DCP1A: variants seen among roughly 807,000 people sequenced by gnomAD.
DCP1A encodes mRNA-decapping enzyme 1A.
A neutral mutation model predicts 58.0 loss-of-function variants in DCP1A; 20 were observed. That is an observed-to-expected ratio of 0.34 (90% CI 0.24 to 0.50). The LOEUF (loss-of-function observed/expected upper bound fraction) is 0.50. Among genes scored for constraint, DCP1A ranks in the 20% least tolerant of loss-of-function variants. DCP1A has a pLI of 0.98. For synonymous variants in DCP1A, 285 were observed against 275.1 expected (o/e 1.04, Z -0.36); for missense variants, 613 against 712.2 (o/e 0.86, Z 1.59).
intron 6 of DCP1A, among the ~76,000 whole-genome samples, chr3:53,300,516 T>C (rs1426566034): frequency 6.6e-6 from 1 of 152,078 alleles, no homozygotes; most frequent in African/African-American, 2.4e-5. Flanking sequence ...TTCTTTTCTA[T>C]TTAGTAGAGA....
intron 3 of DCP1A, among the ~76,000 whole-genome samples, chr3:53,322,229 G>A (rs1176282981): frequency 6.6e-6 from 1 of 152,084 alleles, no homozygotes; most frequent in Non-Finnish European, 1.5e-5. Context: ...AAGGCGGGTG[G>A]ATCACCTGAG....
In DCP1A at chr3:53,304,102, T is replaced by G. The variant is rs1035035452; in HGVS notation, c.624+75A>C. 1.3e-5 allele frequency: 14 copies of G among 1,085,946 alleles called. No homozygotes were observed. The African/African-American group carries it at 2.2e-4, about 17-fold the overall frequency. 67.3% of individuals were successfully genotyped at this position (1,085,946 alleles called of 1,614,324 possible). On this transcript the variant is annotated intron_variant, in intron 6 of 9. Coordinates refer to ENST00000610213, the MANE Select transcript of DCP1A (RefSeq NM_018403.7). ...CCTTGACACAACTGACAAATCAAAC[T>G]TGCACTCATTAGAATCCTTACTGAA...
chr3:53,306,984 T>G (rs2106825892), intron 5 of DCP1A, among the ~76,000 whole-genome samples: 1 of 143,056 alleles, frequency 7.0e-6, no homozygotes, highest in South Asian at 2.3e-4. Flanking sequence ...TCACCCAGGC[T>G]GGAGTGCAGT....
In DCP1A at chr3:53,285,185, C is replaced by G. The variant is rs1108506; in HGVS notation, c.*2395G>C. On this transcript the variant is annotated 3_prime_UTR_variant, in exon 10 of 10. Coordinates refer to ENST00000610213, the MANE Select transcript of DCP1A (RefSeq NM_018403.7). ...CAGGTCTCCTGGGGTTCTGCGAAAT[C>G]TAGCCAGAAGCATCTCCATCTCGGT... 0.16 allele frequency: 24,864 copies of G among 152,040 alleles called. 2,541 individuals carry two copies. The highest frequency in any genetic ancestry group is 0.28 in the Middle Eastern group (82 of 294). 9.4% of individuals were successfully genotyped at this position (152,040 alleles called of 1,614,324 possible).
intron 3 of DCP1A, among the ~76,000 whole-genome samples, chr3:53,320,045 T>A (rs1553689731): frequency 6.6e-6 from 1 of 151,812 alleles, no homozygotes; most frequent in Non-Finnish European, 1.5e-5. Flanking sequence ...GGAGAATCGC[T>A]TGGGCCCGGG....
chr3:53,316,738 CCCAGGCTCAAA>C (rs1431945863), intron 4 of DCP1A, among the ~76,000 whole-genome samples: 1 of 152,036 alleles, frequency 6.6e-6, no homozygotes, highest in Non-Finnish European at 1.5e-5. Context: ...AGCCACTGTG[CCCAGGCTCAAA>C]TCACTTTTAA....
chr3:53,301,039 A>G (rs909542141), intron 6 of DCP1A, among the ~76,000 whole-genome samples: 39 of 152,182 alleles, frequency 2.6e-4, no homozygotes, highest in Non-Finnish European at 2.9e-5. Context: ...CCTTAACTTC[A>G]TGATTCACAA....
chr3:53,327,267 C>T (rs1027970030), intron 3 of DCP1A, among the ~76,000 whole-genome samples: 2 of 152,158 alleles, frequency 1.3e-5, no homozygotes, highest in Non-Finnish European at 2.9e-5. Flanking sequence ...GTTGTAAGCA[C>T]AAATACCTCA....
chr3:53,290,947 G>T, intron 7 of DCP1A, 91 bp from the exon 8 acceptor site: 3 of 1,129,610 alleles, frequency 2.7e-6, no homozygotes, highest in Non-Finnish European at 3.9e-6. Context: ...TTTCCCAGTG[G>T]AAAATCTAGG....
Position 53,292,492 on chromosome 3 carries a change from G to A in DCP1A, c.960C>T (p.Pro320=). Residue 320 remains proline, a synonymous_variant, in exon 7 of 10, where the codon CCC becomes CCT. Transcript: ENST00000610213. Reference sequence around the variant, plus strand: ...CAGTAGGAGCTTCAGCTGGCAGAGTGGGACTGAGAACAGGGCTCAACGGGA... The same window carrying A: ...CAGTAGGAGCTTCAGCTGGCAGAGTAGGACTGAGAACAGGGCTCAACGGGA... ...YTIPLSPVLS[P]TLPAEAPTAQ... The A allele has an allele frequency of 1.9e-6, 3 of 1,614,030 alleles. No homozygotes were observed. Among genetic ancestry groups the A allele is most frequent in the South Asian group, 2.2e-5 (2 of 91,086 alleles).
intron 3 of DCP1A, among the ~76,000 whole-genome samples, chr3:53,330,857 A>ATTTTT (rs35396974): frequency 2.1e-5 from 2 of 93,568 alleles, no homozygotes; most frequent in Non-Finnish European, 2.2e-5. Flanking sequence ...AGTATATGTA[A>ATTTTT]TTTTTTTTTT....
At chr3:53,324,914 CA>C in intron 3 of DCP1A, among the ~76,000 whole-genome samples, 1 of 151,558 alleles carries the variant, frequency 6.6e-6, no homozygotes, top group Non-Finnish European at 1.5e-5. Flanking sequence ...TGTGATAGGA[CA>C]TTTCATTGCC....
intron 4 of DCP1A, among the ~76,000 whole-genome samples, chr3:53,317,137 C>CAA (rs1205173282): frequency 6.6e-6 from 1 of 152,146 alleles, no homozygotes; most frequent in Non-Finnish European, 1.5e-5. Flanking sequence ...CATGAATCAA[C>CAA]AACCCTGTGC....
At chr3:53,319,094 G>GA (rs2106849756) in intron 4 of DCP1A, among the ~76,000 whole-genome samples, 1 of 152,192 alleles carries the variant, frequency 6.6e-6, no homozygotes, top group Non-Finnish European at 1.5e-5. Context: ...TAATGCCCTG[G>GA]AAAAATGCTG....
chr3:53,310,303 T>C (rs1200262898), intron 5 of DCP1A, among the ~76,000 whole-genome samples: 15 of 152,384 alleles, frequency 9.8e-5, no homozygotes, highest in East Asian at 5.8e-4. Context: ...GTCAGATGTT[T>C]AGATTGCCCA....
intron 5 of DCP1A, among the ~76,000 whole-genome samples, chr3:53,307,403 C>T (rs1200500409): frequency 1.3e-5 from 2 of 152,162 alleles, no homozygotes; most frequent in African/African-American, 2.4e-5. Context: ...TAACTGAGAG[C>T]TGGGCTGTAA....
intron 3 of DCP1A, among the ~76,000 whole-genome samples, chr3:53,341,461 A>G (rs187100867): frequency 1.3e-5 from 2 of 152,294 alleles, no homozygotes; most frequent in African/African-American, 4.8e-5. Context: ...CTCAAAAAAA[A>G]GAAAATAATA....
intron 3 of DCP1A, chr3:53,338,098 A>T (rs545566989): frequency 7.1e-6 from 3 of 423,578 alleles, no homozygotes; most frequent in African/African-American, 6.1e-5. Flanking sequence ...TACCTTTGCG[A>T]ATCTCGAGCA....
chr3:53,310,983 T>C (rs574566827), intron 5 of DCP1A, among the ~76,000 whole-genome samples: 2 of 152,352 alleles, frequency 1.3e-5, no homozygotes, highest in South Asian at 2.1e-4. Flanking sequence ...ATGCAAAAAA[T>C]GGTCCTGCAG....
Sources: allele counts gnomAD v4.1 joint callset (sites outside exome capture counted in the v4.1 genomes callset), GRCh38; gene constraint gnomAD v4.1.1; transcripts MANE v1.5; gene names NCBI Gene and HGNC (gene_info 2026-07-23, HGNC 2026-07-21).